The following MYO5B variants were observed in gnomAD, a reference collection of about 807,000 sequenced individuals.
The protein encoded by MYO5B is myosin VB.
MYO5B carries 143 observed loss-of-function variants against 229.3 expected under a neutral mutation model. The observed-to-expected ratio is 0.62, with a 90% confidence interval of 0.54 to 0.72. The LOEUF (loss-of-function observed/expected upper bound fraction) is 0.72, where lower values mean the gene tolerates loss of function less well. Among genes scored for constraint, MYO5B ranks in the 30% least tolerant of loss-of-function variants. The probability of loss-of-function intolerance (pLI) is 0.00; values close to 1 mark genes in which losing one functional copy is unlikely to be tolerated. For missense variants in MYO5B, 2,321 were observed against 2,331.0 expected, an observed-to-expected ratio of 1.00 and a Z score of 0.09; for synonymous variants, 918 against 885.2, an observed-to-expected ratio of 1.04 and a Z score of -0.66.
chr18:49,970,797 A>C (rs138854251), intron 10 of MYO5B: 43 of 152,336 alleles, frequency 2.8e-4, no homozygotes, highest in African/African-American at 9.4e-4. Flanking sequence ...CAAGGGGAAG[A>C]AGCAGCAGTT....
At chr18:49,848,840 C>T (rs763263869) in intron 32 of MYO5B, among the ~76,000 whole-genome samples, 2 of 152,034 alleles carry the variant, frequency 1.3e-5, no homozygotes, top group Non-Finnish European at 2.9e-5. Flanking sequence ...CACAGACATC[C>T]CTGCCCTCTA....
chr18:49,839,720 G>T, intron 35 of MYO5B: 1 of 240,588 alleles, frequency 4.2e-6, no homozygotes, highest in Non-Finnish European at 8.3e-6. Flanking sequence ...GCTTGTATGA[G>T]GAGAAATTTT....
chr18:49,926,201 A>G (rs1006999070), intron 17 of MYO5B, among the ~76,000 whole-genome samples: 2 of 152,242 alleles, frequency 1.3e-5, no homozygotes, highest in African/African-American at 4.8e-5. Flanking sequence ...GGTGTTGCAG[A>G]TTACTGACAG....
chr18:50,067,008 GA>G (rs1413631514), intron 1 of MYO5B, among the ~76,000 whole-genome samples: 4 of 152,126 alleles, frequency 2.6e-5, no homozygotes, highest in African/African-American at 9.7e-5. Context: ...ATGTCCAGTT[GA>G]AAACTGTGTC....
intron 1 of MYO5B, 55 bp from the exon 2 acceptor site, chr18:50,055,433 A>C: frequency 6.9e-7 from 1 of 1,453,012 alleles, no homozygotes; most frequent in Non-Finnish European, 9.7e-7. Context: ...TCAGATTTCT[A>C]AATGTGTGTC....
chr18:49,837,869 A>C, intron 36 of MYO5B, 67 bp from the exon 37 acceptor site: 1 of 1,569,996 alleles, frequency 6.4e-7, no homozygotes, highest in Admixed American at 1.7e-5. Flanking sequence ...GGACCACTCA[A>C]ATCATTTAGT....
chr18:49,888,890 C>G (rs1490238586), intron 22 of MYO5B, among the ~76,000 whole-genome samples: 3 of 152,244 alleles, frequency 2.0e-5, no homozygotes, highest in African/African-American at 7.2e-5. Flanking sequence ...GCTTGGTGTC[C>G]TGCTCTGACA....
At chr18:50,149,041 C>T (rs1226669060) in intron 1 of MYO5B, among the ~76,000 whole-genome samples, 2 of 151,536 alleles carry the variant, frequency 1.3e-5, no homozygotes, top group African/African-American at 4.8e-5. Context: ...ACACCAATAA[C>T]AGACAAACAG....
intron 1 of MYO5B, among the ~76,000 whole-genome samples, chr18:50,085,454 T>G (rs1222869430): frequency 6.6e-6 from 1 of 152,044 alleles, no homozygotes. Flanking sequence ...GGAACACTTT[T>G]ACACTGCTGG....
chr18:50,040,478 G>A (rs573202356), intron 2 of MYO5B, among the ~76,000 whole-genome samples, 164 bp from the exon 3 acceptor site: 1 of 152,208 alleles, frequency 6.6e-6, no homozygotes, highest in South Asian at 2.1e-4. Context: ...GTGTTGCCAT[G>A]AGAGACCAGT....
intron 4 of MYO5B, among the ~76,000 whole-genome samples, chr18:50,009,568 G>C (rs1034893452): frequency 1.3e-5 from 2 of 152,180 alleles, no homozygotes; most frequent in Non-Finnish European, 2.9e-5. Flanking sequence ...GGAACGAAAG[G>C]TTATGTGGGG....
chr18:50,176,198 C>G (rs1397051568), intron 1 of MYO5B, among the ~76,000 whole-genome samples: 1 of 152,136 alleles, frequency 6.6e-6, no homozygotes, highest in East Asian at 1.9e-4. Context: ...ATGCTAAAGT[C>G]AATATTAAAG....
intron 1 of MYO5B, among the ~76,000 whole-genome samples, chr18:50,150,847 A>G (rs1405526662): frequency 6.6e-6 from 1 of 152,232 alleles, no homozygotes; most frequent in East Asian, 1.9e-4. Flanking sequence ...AAAAAAAAAG[A>G]AAAGAAAAAT....
chr18:50,193,816 C>T (rs2033260775), intron 1 of MYO5B, among the ~76,000 whole-genome samples: 1 of 152,248 alleles, frequency 6.6e-6, no homozygotes, highest in Admixed American at 6.5e-5. Context: ...ACTACTGACT[C>T]CAGGTTGAAA....
At chr18:49,987,258 T>C (rs1402888388) in intron 7 of MYO5B, among the ~76,000 whole-genome samples, 1 of 152,192 alleles carries the variant, frequency 6.6e-6, no homozygotes, top group East Asian at 1.9e-4. Flanking sequence ...CAGCATTTTC[T>C]ACTGAATGAT....
Position 49,984,703 on chromosome 18 carries a change from T to A in MYO5B, c.946+15A>T. On this transcript the variant is annotated intron_variant, in intron 8 of 39. Coordinates refer to ENST00000285039, the MANE Select transcript of MYO5B (RefSeq NM_001080467.3). ...AGCCCTCGGGGCCTGCTTCCCCAAC[T>A]AAGAAGCTCCTTACCGAGGAGTGTG... 1 of 1,585,316 alleles carries A rather than the reference T, an allele frequency of 6.3e-7. No homozygotes were observed. Among genetic ancestry groups the A allele is most frequent in the Non-Finnish European group, 8.7e-7 (1 of 1,153,792 alleles).
intron 29 of MYO5B, among the ~76,000 whole-genome samples, chr18:49,859,790 T>TG (rs984992844): frequency 4.6e-5 from 7 of 152,148 alleles, no homozygotes; most frequent in African/African-American, 1.7e-4. Flanking sequence ...TGGTTAAAGC[T>TG]GGGCCCTCTG....
intron 4 of MYO5B, among the ~76,000 whole-genome samples, chr18:50,014,270 TGAGA>T (rs139880561): frequency 0.24 from 21,885 of 90,220 alleles, 1,762 homozygotes; most frequent in South Asian, 0.32. Flanking sequence ...AGAAAATGGA[TGAGA>T]AAGGAAAAAA....
intron 4 of MYO5B, among the ~76,000 whole-genome samples, chr18:50,021,932 G>C (rs2026279733): frequency 6.6e-6 from 1 of 151,914 alleles, no homozygotes; most frequent in South Asian, 2.1e-4. Flanking sequence ...CATTCCCAAG[G>C]CTTTAAGTAC....
Sources: gnomAD v4.1 joint callset for allele counts (sites outside exome capture counted in the v4.1 genomes callset) on GRCh38, gnomAD v4.1.1 for gene constraint, MANE v1.5 for transcripts, NCBI Gene and HGNC (gene_info 2026-07-23, HGNC 2026-07-21) for gene names.